SCARA3: variants seen among roughly 807,000 people sequenced by gnomAD.
SCARA3 encodes cellular stress response gene protein.
SCARA3 carries 39 observed loss-of-function variants against 47.0 expected under a neutral mutation model. That is an observed-to-expected ratio of 0.83 (90% CI 0.64 to 1.08). The LOEUF is 1.08. SCARA3 is among the 50% of genes least tolerant of loss of function. The pLI is 0.00. For synonymous variants in SCARA3, 356 were observed against 334.1 expected (o/e 1.07, Z -0.71); for missense variants, 724 against 792.3 (o/e 0.91, Z 1.04).
At chr8:27,722,621 T>C in the SCARA3 span, among the ~76,000 whole-genome samples, 2 of 152,232 alleles carry the variant, frequency 1.3e-5, no homozygotes, top group African/African-American at 2.4e-5. Context: ...GCTCTTGAGC[T>C]GCTGTCAGAA....
chr8:27,675,732 G>A (rs1304137130), downstream of SCARA3, among the ~76,000 whole-genome samples: 1 of 152,202 alleles, frequency 6.6e-6, no homozygotes, highest in Admixed American at 6.5e-5. Context: ...GGAGGTTGCA[G>A]TGAGCTGAGA....
chr8:27,646,058 C>T (rs971063227), intron 1 of SCARA3, among the ~76,000 whole-genome samples: 2 of 152,176 alleles, frequency 1.3e-5, no homozygotes, highest in Admixed American at 6.5e-5. Context: ...TACAGCATTC[C>T]AGACATAGGT....
chr8:27,713,789 G>A, the SCARA3 span, among the ~76,000 whole-genome samples: 1 of 152,164 alleles, frequency 6.6e-6, no homozygotes, highest in Non-Finnish European at 1.5e-5. Context: ...TTTTTGTGAA[G>A]AATGGGATTT....
At position 27,634,122 on chromosome 8, in the gene SCARA3, G is replaced by C; in HGVS notation, c.-79G>C. ...CTAGGACGGCGATCCGCGCCCTGGA[G>C]GATCCGCCGGCCGCCCGGCTCCACT... On this transcript the variant is annotated 5_prime_UTR_variant, in exon 1 of 6. Coordinates refer to ENST00000301904, the MANE Select transcript of SCARA3 (RefSeq NM_016240.3). The C allele has an allele frequency of 7.3e-7, 1 of 1,375,676 alleles. No homozygotes were observed. 85.2% of individuals were successfully genotyped at this position (1,375,676 alleles called of 1,614,324 possible).
the SCARA3 span, among the ~76,000 whole-genome samples, chr8:27,707,896 A>G: frequency 2.6e-5 from 4 of 152,158 alleles, no homozygotes; most frequent in Non-Finnish European, 5.9e-5. Flanking sequence ...GGAGAAAATT[A>G]TCTTCAATCT....
intron 1 of SCARA3, among the ~76,000 whole-genome samples, chr8:27,646,645 C>A (rs910517936): frequency 1.3e-5 from 2 of 152,106 alleles, no homozygotes; most frequent in African/African-American, 4.8e-5. Context: ...GTGAATACAG[C>A]CCACAGCCCA....
chr8:27,680,438 A>G (rs1210468907), downstream of SCARA3, among the ~76,000 whole-genome samples: 1 of 152,136 alleles, frequency 6.6e-6, no homozygotes, highest in Non-Finnish European at 1.5e-5. Flanking sequence ...ACAAGGTTAT[A>G]CCACCAAACT....
rs2128912999 is a variant in SCARA3 at position 27,633,951 on chromosome 8, C to T, written c.-250C>T. On this transcript the variant is annotated 5_prime_UTR_variant, in exon 1 of 6. Transcript: ENST00000301904. Reference sequence around the variant, plus strand: ...AGCGCGGGCGGCGGCGGGATGCGCGCTCTGGGCGGCGGGGCGCGGCGCTAG... The same window carrying T: ...AGCGCGGGCGGCGGCGGGATGCGCGTTCTGGGCGGCGGGGCGCGGCGCTAG... 1 of 177,222 alleles carries T rather than the reference C, an allele frequency of 5.6e-6. No individual in the cohort carries two copies. The highest frequency in any genetic ancestry group is 6.3e-5 in the Admixed American group (1 of 15,894). 11.0% of individuals were successfully genotyped at this position (177,222 alleles called of 1,614,324 possible). A position where few individuals can be genotyped will look rare whatever the true frequency, so the allele number is the denominator to read the frequency against.
downstream of SCARA3, among the ~76,000 whole-genome samples, chr8:27,677,356 C>T (rs1252558423): frequency 1.3e-5 from 2 of 152,308 alleles, no homozygotes; most frequent in East Asian, 1.9e-4. Flanking sequence ...CAGGAGGGAG[C>T]TGTGCACAGA....
At chr8:27,652,838 C>T (rs35750004) in intron 3 of SCARA3, among the ~76,000 whole-genome samples, 1 of 152,150 alleles carries the variant, frequency 6.6e-6, no homozygotes, top group East Asian at 1.9e-4. Context: ...TGCCAGAGTA[C>T]CCCCTCCACT....
At chr8:27,639,149 T>C (rs1801326753) in intron 1 of SCARA3, among the ~76,000 whole-genome samples, 1 of 152,150 alleles carries the variant, frequency 6.6e-6, no homozygotes, top group Non-Finnish European at 1.5e-5. Flanking sequence ...AAAAATGGGT[T>C]ATTCTGAGTT....
At chr8:27,704,896 C>T in the SCARA3 span, among the ~76,000 whole-genome samples, 3 of 152,098 alleles carry the variant, frequency 2.0e-5, no homozygotes, top group Non-Finnish European at 2.9e-5. Flanking sequence ...TTGCTGCCAG[C>T]GCCCTGCAGG....
the SCARA3 span, among the ~76,000 whole-genome samples, chr8:27,686,121 G>T: frequency 6.6e-6 from 1 of 152,142 alleles, no homozygotes; most frequent in Admixed American, 6.5e-5. Flanking sequence ...AAATTTGAAT[G>T]CAGGTTTTAT....
At chr8:27,668,738 C>T (rs188271899) in intron 5 of SCARA3, among the ~76,000 whole-genome samples, 53 of 152,156 alleles carry the variant, frequency 3.5e-4, no homozygotes, top group Middle Eastern at 3.4e-3. Flanking sequence ...TGGTGGCATG[C>T]GCCTGTTGGA....
At chr8:27,664,676 G>A (rs868841143) in intron 5 of SCARA3, among the ~76,000 whole-genome samples, 2 of 152,110 alleles carry the variant, frequency 1.3e-5, no homozygotes, top group Non-Finnish European at 2.9e-5. Flanking sequence ...ATAACCAATA[G>A]TACTCTTGAA....
At chr8:27,667,318 G>T (rs1227364699) in intron 5 of SCARA3, among the ~76,000 whole-genome samples, 1 of 152,230 alleles carries the variant, frequency 6.6e-6, no homozygotes, top group Non-Finnish European at 1.5e-5. Flanking sequence ...ACCTAAGGAA[G>T]GCAGCCTTCT....
intron 5 of SCARA3, among the ~76,000 whole-genome samples, chr8:27,662,868 G>A (rs1256671139): frequency 1.3e-5 from 2 of 152,250 alleles, no homozygotes; most frequent in Non-Finnish European, 2.9e-5. Context: ...GTGGTGGCTG[G>A]AGAAAGAGGC....
the SCARA3 span, among the ~76,000 whole-genome samples, chr8:27,684,529 A>G: frequency 6.6e-6 from 1 of 152,080 alleles, no homozygotes; most frequent in African/African-American, 2.4e-5. Context: ...TACAAAAAAT[A>G]ATAATAATTT....
At chr8:27,649,475 G>A (rs1428317312) in intron 1 of SCARA3, among the ~76,000 whole-genome samples, 1 of 152,228 alleles carries the variant, frequency 6.6e-6, no homozygotes, top group Admixed American at 6.5e-5. Flanking sequence ...TTCCCAGCGT[G>A]TGGAAAATGG....
Sources: allele counts gnomAD v4.1 joint callset (sites outside exome capture counted in the v4.1 genomes callset), GRCh38; gene constraint gnomAD v4.1.1; transcripts MANE v1.5; gene names NCBI Gene and HGNC (gene_info 2026-07-23, HGNC 2026-07-21).